MERTK: variants seen among roughly 807,000 people sequenced by gnomAD.
The protein encoded by MERTK is tyrosine-protein kinase Mer.
In MERTK, 69 loss-of-function variants were observed where a neutral mutation model predicts 99.3. The observed-to-expected ratio is 0.70, with a 90% CI of 0.57 to 0.85. The LOEUF (loss-of-function observed/expected upper bound fraction) is 0.85, where lower values mean the gene tolerates loss of function less well. Among genes scored for constraint, MERTK ranks in the 40% least tolerant of loss-of-function variants. The pLI is 0.00. For synonymous variants in MERTK, 426 were observed against 467.6 expected (o/e 0.91, Z 1.15); for missense variants, 1,125 against 1,249.4 (o/e 0.90, Z 1.50).
At chr2:111,970,799 CCCCCCT>C (rs1558791491) in intron 6 of MERTK, among the ~76,000 whole-genome samples, 2 of 20,676 alleles carry the variant, frequency 9.7e-5, no homozygotes, top group Admixed American at 5.8e-4. Context: ...TCCTCCTCCT[CCCCCCT>C]CCTCCTCCTC....
At chr2:111,909,262 G>A (rs1202614172) in intron 1 of MERTK, among the ~76,000 whole-genome samples, 1 of 152,298 alleles carries the variant, frequency 6.6e-6, no homozygotes, top group Non-Finnish European at 1.5e-5. Context: ...GAGTGGTTAA[G>A]TTAAATATTA....
chr2:111,940,527 A>C, intron 2 of MERTK: 3 of 605,660 alleles, frequency 5.0e-6, no homozygotes, highest in Non-Finnish European at 6.5e-6. Context: ...GATTTGCTTT[A>C]GCAACTGCAT....
chr2:112,019,998 A>C (rs1677303108), intron 16 of MERTK, among the ~76,000 whole-genome samples: 1 of 152,366 alleles, frequency 6.6e-6, no homozygotes, highest in Non-Finnish European at 1.5e-5. Flanking sequence ...ATGTGGACTT[A>C]GGTTCTCCCT....
At chr2:111,911,162 A>C (rs1341035262) in intron 1 of MERTK, among the ~76,000 whole-genome samples, 1 of 152,114 alleles carries the variant, frequency 6.6e-6, no homozygotes, top group Non-Finnish European at 1.5e-5. Context: ...TTGTGGAAAC[A>C]AGGGGAAATG....
intron 1 of MERTK, among the ~76,000 whole-genome samples, chr2:111,911,032 G>A (rs534698683): frequency 1.3e-5 from 2 of 152,198 alleles, no homozygotes; most frequent in African/African-American, 2.4e-5. Flanking sequence ...AACTCAATAC[G>A]AAGCCCTATG....
intron 1 of MERTK, among the ~76,000 whole-genome samples, chr2:111,908,944 T>G (rs1684190900): frequency 6.6e-6 from 1 of 152,078 alleles, no homozygotes; most frequent in Admixed American, 6.5e-5. Context: ...AGCAATCCGA[T>G]TAAAAAATGA....
intron 9 of MERTK, chr2:111,994,828 T>A: frequency 3.3e-6 from 1 of 306,824 alleles, no homozygotes; most frequent in South Asian, 3.0e-5. Flanking sequence ...CAAAAATAAT[T>A]TTTCCAATGA....
intron 10 of MERTK, among the ~76,000 whole-genome samples, chr2:111,999,121 T>A (rs1411374156): frequency 6.6e-6 from 1 of 152,156 alleles, no homozygotes; most frequent in Non-Finnish European, 1.5e-5. Flanking sequence ...GTGCTTTGCT[T>A]TGTGTACATC....
chr2:111,905,058 A>G (rs548218168), intron 1 of MERTK, among the ~76,000 whole-genome samples: 2 of 152,376 alleles, frequency 1.3e-5, no homozygotes, highest in East Asian at 3.9e-4. Flanking sequence ...GAATTCCATT[A>G]GGATCAGCAG....
intron 15 of MERTK, among the ~76,000 whole-genome samples, chr2:112,017,944 A>G (rs1329683552): frequency 6.6e-6 from 1 of 152,170 alleles, no homozygotes; most frequent in Admixed American, 6.5e-5. Context: ...GAGATACAGG[A>G]TCTCATGCAA....
intron 7 of MERTK, 64 bp downstream of exon 7, chr2:111,975,536 A>C (rs767914205): frequency 6.1e-5 from 95 of 1,552,886 alleles, no homozygotes; most frequent in Non-Finnish European, 8.0e-5. Flanking sequence ...AACCCTTCCC[A>C]GTGGCCTGAC....
chr2:111,985,277 A>G (rs1338718042), intron 8 of MERTK, among the ~76,000 whole-genome samples: 2 of 152,272 alleles, frequency 1.3e-5, no homozygotes, highest in South Asian at 2.1e-4. Context: ...GCAGCAGGAA[A>G]GGCAGCTGGG....
intron 12 of MERTK, chr2:112,003,523 A>G: frequency 3.0e-6 from 1 of 336,068 alleles, no homozygotes; most frequent in South Asian, 3.2e-5. Context: ...GCACCTTTCT[A>G]ATTAGGAACA....
chr2:112,007,553 CTG>C (rs1480263371), intron 13 of MERTK, among the ~76,000 whole-genome samples: 1 of 152,160 alleles, frequency 6.6e-6, no homozygotes, highest in African/African-American at 2.4e-5. Context: ...ATTCTATTTT[CTG>C]TCTCTGATTT....
intron 4 of MERTK, among the ~76,000 whole-genome samples, chr2:111,960,897 G>A (rs1403679637): frequency 1.3e-5 from 2 of 151,584 alleles, no homozygotes; most frequent in African/African-American, 2.4e-5. Context: ...CAGAGTCCAC[G>A]TATATTTTTC....
intron 1 of MERTK, among the ~76,000 whole-genome samples, chr2:111,927,508 A>C (rs896971510): frequency 6.6e-6 from 1 of 152,120 alleles, no homozygotes; most frequent in Non-Finnish European, 1.5e-5. Flanking sequence ...CCTCCCTACA[A>C]GAAAAAATTT....
intron 4 of MERTK, among the ~76,000 whole-genome samples, chr2:111,961,011 T>C (rs1162731392): frequency 2.0e-5 from 3 of 151,776 alleles, no homozygotes; most frequent in Non-Finnish European, 4.4e-5. Context: ...GAGAGAAATA[T>C]TCCTCCTCAG....
intron 4 of MERTK, among the ~76,000 whole-genome samples, chr2:111,962,619 T>C (rs186916401): frequency 1.3e-5 from 2 of 152,320 alleles, no homozygotes; most frequent in East Asian, 1.9e-4. Flanking sequence ...GCATTTTACA[T>C]TGGTGTGGTG....
At chr2:112,004,089 A>T in intron 13 of MERTK, 105 bp downstream of exon 13, 1 of 968,368 alleles carries the variant, frequency 1.0e-6, no homozygotes, top group South Asian at 1.3e-5. Flanking sequence ...AGTGGGCCAG[A>T]AGGCAATGTG....
Sources: gnomAD v4.1 joint callset for allele counts (sites outside exome capture counted in the v4.1 genomes callset) on GRCh38, gnomAD v4.1.1 for gene constraint, MANE v1.5 for transcripts, NCBI Gene and HGNC (gene_info 2026-07-23, HGNC 2026-07-21) for gene names.